PPFIBP2: variants seen among roughly 807,000 people sequenced by gnomAD.
PPFIBP2 encodes the protein PPFIB scaffold protein 2.
Under a neutral mutation model 118.3 loss-of-function variants are expected in PPFIBP2, and 118 were observed. The observed-to-expected ratio is 1.00, with a 90% CI of 0.86 to 1.16. The LOEUF is 1.16. Ranked by LOEUF, PPFIBP2 falls within the 50% of genes most tolerant of loss-of-function variation. PPFIBP2 has a pLI of 0.00. For synonymous variants in PPFIBP2, 414 were observed against 397.4 expected, an observed-to-expected ratio of 1.04 and a Z score of -0.50; for missense variants, 1,195 against 1,073.1, an observed-to-expected ratio of 1.11 and a Z score of -1.59.
intron 2 of PPFIBP2, among the ~76,000 whole-genome samples, chr11:7,558,775 A>G (rs1007402017): frequency 6.6e-6 from 1 of 152,124 alleles, no homozygotes; most frequent in African/African-American, 2.4e-5. Context: ...AAGAAAGAAA[A>G]AAAGGCTTTC....
rs1159482835 is a variant in PPFIBP2 at position 7,653,410 on chromosome 11, G to T, written c.*192G>T. 12 of 1,493,742 alleles carry T rather than the reference G, an allele frequency of 8.0e-6. No homozygotes were observed. The highest frequency in any genetic ancestry group is 1.7e-4 in the Middle Eastern group (1 of 5,768). 92.5% of individuals were successfully genotyped at this position (1,493,742 alleles called of 1,614,324 possible). On this transcript the variant is annotated 3_prime_UTR_variant, in exon 24 of 24. Transcript: ENST00000299492. Reference sequence around the variant, plus strand: ...CTGGAGCTGCATCTCTAAGGGGCCAGGCTTTGGGGACCATTGCCAAAGGTG... The same window carrying T: ...CTGGAGCTGCATCTCTAAGGGGCCATGCTTTGGGGACCATTGCCAAAGGTG...
At chr11:7,579,763 G>A (rs1856984928) in intron 3 of PPFIBP2, among the ~76,000 whole-genome samples, 1 of 152,164 alleles carries the variant, frequency 6.6e-6, no homozygotes, top group South Asian at 2.1e-4. Flanking sequence ...GAAACTTTAA[G>A]CAAGGAGACT....
intron 5 of PPFIBP2, chr11:7,598,034 T>G: frequency 5.3e-6 from 1 of 187,072 alleles, no homozygotes; most frequent in Non-Finnish European, 1.1e-5. Context: ...CAGCTGATTC[T>G]ATGCCCCTTT....
chr11:7,530,762 CTCTT>C lies in PPFIBP2; in HGVS notation c.-37+16646_-37+16649del, dbSNP rs1285489981. Among the ~76,000 whole-genome samples, 3 of 152,352 alleles carry C rather than the reference CTCTT, an allele frequency of 2.0e-5. No homozygotes were observed. The East Asian group carries it at 5.8e-4, about 29-fold the overall frequency. Reference sequence around the variant, plus strand: ...GCTCTTTCTGCTGCATGCTGCTCCTCTCTTTCTTCAGGGGAAGAAGCACCTCACT... The same window carrying C: ...GCTCTTTCTGCTGCATGCTGCTCCTCTCTTCAGGGGAAGAAGCACCTCACT... On this transcript the variant is annotated intron_variant, in intron 1 of 23. Transcript: ENST00000299492.
chr11:7,635,330 G>T (rs989101664), intron 13 of PPFIBP2, among the ~76,000 whole-genome samples: 1 of 152,204 alleles, frequency 6.6e-6, no homozygotes, highest in Non-Finnish European at 1.5e-5. Flanking sequence ...CGTGTCTCTC[G>T]GTTGCCATGG....
chr11:7,559,886 A>G (rs1358942455), intron 2 of PPFIBP2, among the ~76,000 whole-genome samples: 2 of 152,158 alleles, frequency 1.3e-5, no homozygotes, highest in African/African-American at 4.8e-5. Context: ...TCTGGTACCC[A>G]AGGTTTTTAC....
intron 1 of PPFIBP2, among the ~76,000 whole-genome samples, chr11:7,517,892 C>T (rs111509772): frequency 0.05 from 7,668 of 152,260 alleles, 239 homozygotes; most frequent in Non-Finnish European, 0.072. Flanking sequence ...GGGGCGGTCC[C>T]TGCAGGGGCC....
At chr11:7,519,889 A>C (rs1849586689) in intron 1 of PPFIBP2, among the ~76,000 whole-genome samples, 1 of 152,132 alleles carries the variant, frequency 6.6e-6, no homozygotes, top group Admixed American at 6.5e-5. Context: ...TTCCCTGTTA[A>C]CCAGGTTCCC....
At chr11:7,666,344 C>T in the PPFIBP2 span, 2 of 731,968 alleles carry the variant, frequency 2.7e-6, no homozygotes, top group East Asian at 2.5e-5. Flanking sequence ...TTAACCCCCA[C>T]ATCTGGTCCT....
chr11:7,641,736 T>C (rs1852228151), intron 16 of PPFIBP2, 116 bp downstream of exon 16: 1 of 1,041,914 alleles, frequency 9.6e-7, no homozygotes, highest in African/African-American at 1.6e-5. Flanking sequence ...CAAAACAGAG[T>C]GTTCATGTTC....
intron 2 of PPFIBP2, among the ~76,000 whole-genome samples, chr11:7,557,509 T>G (rs1284545631): frequency 3.4e-4 from 37 of 110,134 alleles, no homozygotes; most frequent in Admixed American, 2.8e-3. Context: ...TTTTTTTTTT[T>G]GAGACAGAGT....
At position 7,648,880 on chromosome 11, in the gene PPFIBP2, G is replaced by C. The variant is rs752870086; in HGVS notation, c.1878G>C (p.Lys626Asn). ...VKAINTKQEE[K>N]SALLDHIWVT... ...CCATCAACACCAAACAGGAGGAGAAGTCTGCACTGCTAGACCACATTTGGG... is the reference window on the plus strand; with the variant it reads ...CCATCAACACCAAACAGGAGGAGAACTCTGCACTGCTAGACCACATTTGGG... The change falls in exon 19 of 24, where the codon AAG becomes AAC. Residue 626 changes from lysine (K) to asparagine (N), a missense_variant. Coordinates refer to ENST00000299492, the MANE Select transcript of PPFIBP2 (RefSeq NM_003621.5). 1.2e-6 allele frequency: 2 copies of C among 1,614,106 alleles called. No homozygotes were observed. The highest frequency in any genetic ancestry group is 8.5e-7 in the Non-Finnish European group (1 of 1,179,980).
intron 12 of PPFIBP2, 47 bp from the exon 13 acceptor site, chr11:7,634,448 A>C: frequency 7.0e-7 from 1 of 1,435,730 alleles, no homozygotes; most frequent in Non-Finnish European, 9.8e-7. Context: ...GAGTGATAAC[A>C]TGTACCTCCT....
At chr11:7,527,182 A>G (rs546629623) in intron 1 of PPFIBP2, among the ~76,000 whole-genome samples, 1 of 151,956 alleles carries the variant, frequency 6.6e-6, no homozygotes, top group South Asian at 2.1e-4. Context: ...CTGGGAGGGG[A>G]GGCAAGGAAG....
At chr11:7,651,222 C>G (rs1590817811) in intron 22 of PPFIBP2, 2 of 380,124 alleles carry the variant, frequency 5.3e-6, no homozygotes, top group East Asian at 8.7e-5. Flanking sequence ...TGCATGGAGA[C>G]CAACGCTTAC....
intron 3 of PPFIBP2, 62 bp from the exon 4 acceptor site, chr11:7,593,070 A>T: frequency 3.8e-6 from 6 of 1,593,634 alleles, no homozygotes; most frequent in Non-Finnish European, 5.1e-6. Flanking sequence ...TATTTCATTT[A>T]GAAGTTGGTA....
intron 8 of PPFIBP2, among the ~76,000 whole-genome samples, chr11:7,627,198 G>A (rs1165212776): frequency 3.9e-5 from 6 of 152,282 alleles, no homozygotes; most frequent in East Asian, 1.9e-4. Flanking sequence ...ATTTGCTGCC[G>A]AAGGTAGGTT....
At position 7,577,342 on chromosome 11, in the gene PPFIBP2, T is replaced by C. The variant is rs28406335; in HGVS notation, c.279+11575T>C. On this transcript the variant is annotated intron_variant, in intron 3 of 23. Transcript: ENST00000299492. ...GTGCGTGTGTGTGTGTGTGTGTGTG[T>C]GTGTGTGTGTTTGTTGGGGTGGTCG... The C allele has an allele frequency of 1.2e-3, 380 of 323,060 alleles. 1 individual carries two copies. Among genetic ancestry groups the C allele is most frequent in the African/African-American group, 6.9e-3 (299 of 43,252 alleles). The allele number at this position is 323,060 out of a possible 1,614,324, so 20.0% of individuals were successfully genotyped here.
At chr11:7,572,448 G>C (rs189652781) in intron 3 of PPFIBP2, among the ~76,000 whole-genome samples, 11 of 152,296 alleles carry the variant, frequency 7.2e-5, no homozygotes, top group Non-Finnish European at 1.0e-4. Context: ...GACCTAAAGA[G>C]ACTATTTCAG....
Sources: allele counts gnomAD v4.1 joint callset (sites outside exome capture counted in the v4.1 genomes callset), GRCh38; gene constraint gnomAD v4.1.1; transcripts MANE v1.5; gene names NCBI Gene and HGNC (gene_info 2026-07-23, HGNC 2026-07-21).